Variants in KISS1R observed in about 807,000 individuals in gnomAD.
KISS1R encodes the protein kiSS-1 receptor.
In KISS1R, 19 loss-of-function variants were observed where a neutral mutation model predicts 22.0. The observed-to-expected ratio is 0.86, with a 90% CI of 0.60 to 1.26. KISS1R has a LOEUF of 1.26. Ranked by LOEUF, KISS1R falls within the 50% of genes most tolerant of loss-of-function variation. KISS1R has a pLI of 0.00. For synonymous variants in KISS1R, 302 were observed against 283.9 expected (o/e 1.06, Z -0.64); for missense variants, 653 against 581.9 (o/e 1.12, Z -1.26).
At position 919,948 on chromosome 19, in the gene KISS1R, G is replaced by A. The variant is rs2037101181; in HGVS notation, c.580G>A (p.Ala194Thr). 2 of 1,569,526 alleles carry A rather than the reference G, an allele frequency of 1.3e-6. No individual in the cohort carries two copies. The highest frequency in any genetic ancestry group is 1.4e-5 in the African/African-American group (1 of 73,716). The change falls in exon 4 of 5, where the codon GCC becomes ACC. Residue 194 changes from alanine to threonine, a missense_variant. Transcript: ENST00000234371. ...SPGPRAYCSE[A>T]FPSRALERAF... ...CGGGCCGCGCGCCTACTGCAGTGAGGCCTTCCCCAGCCGCGCCCTGGAGCG... is the reference window on the plus strand; with the variant it reads ...CGGGCCGCGCGCCTACTGCAGTGAGACCTTCCCCAGCCGCGCCCTGGAGCG...
intron 2 of KISS1R, 78 bp downstream of exon 2, chr19:918,746 C>A: frequency 7.5e-7 from 1 of 1,336,400 alleles, no homozygotes; most frequent in Non-Finnish European, 9.8e-7. Flanking sequence ...GGGGAGGGGA[C>A]GCACTTGGGG....
In KISS1R at chr19:918,411, AGGG is replaced by A. The variant is rs869290851; in HGVS notation, c.245-127_245-125del. On this transcript the variant is annotated intron_variant, in intron 1 of 4. Transcript: ENST00000234371. ...CCGAGGAGGCCAGGGGCGCTGGGGG[AGGG>A]GGGGGCCTCCCTGAGCCATCCTGCT... 147 of 93,162 alleles carry A rather than the reference AGGG, an allele frequency of 1.6e-3. 1 individual carries two copies. The highest frequency in any genetic ancestry group is 2.1e-3 in the Non-Finnish European group (135 of 65,714). 5.8% of individuals were successfully genotyped at this position (93,162 alleles called of 1,614,324 possible).
Position 918,570 on chromosome 19 carries a change from T to C in KISS1R, c.271T>C (p.Phe91Leu). ...CAACCTGGCGGCCACGGACGTGACC[T>C]TCCTCCTGTGCTGCGTCCCCTTCAC... ...IANLAATDVTFLLCCVPFTAL... is the reference protein window; with the variant it reads ...IANLAATDVTLLLCCVPFTAL... The change falls in exon 2 of 5, where the codon TTC (phenylalanine) becomes CTC (leucine). Residue 91 changes from phenylalanine (F) to leucine (L), a missense_variant. Physicochemically the swap from Phe to Leu is conservative, Grantham distance 22. Coordinates refer to ENST00000234371, the MANE Select transcript of KISS1R (RefSeq NM_032551.5). 1 of 1,551,258 alleles carries C rather than the reference T, an allele frequency of 6.4e-7. No homozygotes were observed. Among genetic ancestry groups the C allele is most frequent in the Non-Finnish European group, 8.7e-7 (1 of 1,147,290 alleles).
intron 2 of KISS1R, 39 bp from the exon 3 acceptor site, chr19:919,451 C>T (rs1057367581): frequency 5.2e-6 from 8 of 1,538,332 alleles, no homozygotes; most frequent in Non-Finnish European, 5.2e-6. Context: ...GGCTCCCAAC[C>T]GCGCAGGTGG....
At chr19:920,241 G>C (rs770631609) in intron 4 of KISS1R, 49 bp from the exon 5 acceptor site, 5 of 1,542,986 alleles carry the variant, frequency 3.2e-6, no homozygotes, top group African/African-American at 1.4e-5. Context: ...GGGATGAGCT[G>C]AGCCGGGCCC....
At chr19:918,785 G>A in intron 2 of KISS1R, 117 bp downstream of exon 2, 4 of 1,148,184 alleles carry the variant, frequency 3.5e-6, no homozygotes. Context: ...CGCAGTGGGA[G>A]GGGAGGGGAT....
intron 2 of KISS1R, among the ~76,000 whole-genome samples, chr19:918,904 T>G (rs917838239): frequency 1.5e-4 from 2 of 12,924 alleles, no homozygotes; most frequent in African/African-American, 2.9e-4. Flanking sequence ...GGGCGCATGG[T>G]GGGGCGGGGC....
chr19:918,076 T>G (rs1440237130), intron 1 of KISS1R, among the ~76,000 whole-genome samples: 1 of 151,646 alleles, frequency 6.6e-6, no homozygotes, highest in Non-Finnish European at 1.5e-5. Flanking sequence ...AGGGGCTGGC[T>G]TGGCCCGCGG....
Position 920,718 on chromosome 19 carries a change from C to G in KISS1R, c.1167C>G (p.Cys389Trp), listed in dbSNP as rs371771794. Residue 389 changes from cysteine to tryptophan, a missense_variant, in exon 5 of 5, where the codon TGC (cysteine) becomes TGG (tryptophan). Coordinates refer to ENST00000234371, the MANE Select transcript of KISS1R (RefSeq NM_032551.5). ...GSSGLAARGL[C>W]VLGEDNAPL ...GTGGGCTGGCCGCGCGCGGGCTGTGCGTCCTGGGGGAGGACAACGCCCCTC... is the reference window on the plus strand; with the variant it reads ...GTGGGCTGGCCGCGCGCGGGCTGTGGGTCCTGGGGGAGGACAACGCCCCTC... 2.3e-6 allele frequency: 3 copies of G among 1,303,992 alleles called. No individual in the cohort carries two copies. The highest frequency in any genetic ancestry group is 7.4e-5 in the Admixed American group (2 of 26,970). The allele number at this position is 1,303,992 out of a possible 1,614,324, so 80.8% of individuals were successfully genotyped here. A position where few individuals can be genotyped will look rare whatever the true frequency, so the allele number is the denominator to read the frequency against.
chr19:920,660 C>A lies in KISS1R; in HGVS notation c.1109C>A (p.Pro370Gln), dbSNP rs946389146. 2 of 1,311,150 alleles carry A rather than the reference C, an allele frequency of 1.5e-6. No homozygotes were observed. The highest frequency in any genetic ancestry group is 2.5e-5 in the South Asian group (1 of 39,620). The allele number at this position is 1,311,150 out of a possible 1,614,324, so 81.2% of individuals were successfully genotyped here. A position where few individuals can be genotyped will look rare whatever the true frequency, so the allele number is the denominator to read the frequency against. ...GAGCTGCTCCGCCTGGGGTCCCACC[C>A]GGCCCCCGCCAGGGCGCAGAAGCCA... ...HAELLRLGSH[P>Q]APARAQKPGS... Residue 370 changes from proline to glutamine, a missense_variant, in exon 5 of 5, where the codon CCG (proline) becomes CAG (glutamine). By Grantham distance (76) the Pro-to-Gln change is moderately conservative. Transcript: ENST00000234371.
In KISS1R at chr19:918,543, G is replaced by C; in HGVS notation, c.245-1G>C. 1 of 1,548,778 alleles carries C rather than the reference G, an allele frequency of 6.5e-7. No homozygotes were observed. Among genetic ancestry groups the C allele is most frequent in the Non-Finnish European group, 8.7e-7 (1 of 1,147,090 alleles). On this transcript the variant is annotated splice_acceptor_variant, in intron 1 of 4. Transcript: ENST00000234371. LOFTEE classifies it high-confidence loss of function. ...CCAGCGCCCGCGCATCCCCACCGCA[G>C]CCAACCTGGCGGCCACGGACGTGAC...
In KISS1R at chr19:920,068, G is replaced by A; in HGVS notation, c.700G>A (p.Val234Ile). The A allele has an allele frequency of 6.6e-7, 1 of 1,524,026 alleles. No homozygotes were observed. The highest frequency in any genetic ancestry group is 8.8e-7 in the Non-Finnish European group (1 of 1,141,900). 94.4% of individuals were successfully genotyped at this position (1,524,026 alleles called of 1,614,324 possible). Residue 234 changes from valine (V) to isoleucine (I), a missense_variant, in exon 4 of 5, where the codon GTC (valine) becomes ATC (isoleucine). Coordinates refer to ENST00000234371, the MANE Select transcript of KISS1R (RefSeq NM_032551.5). ...YAAMLRHLGR[V>I]AVRPAPADSA... ...GGCCATGCTGCGCCACCTGGGCCGG[G>A]TCGCCGTGCGCCCCGCGCCCGCCGA...
At position 920,305 on chromosome 19, in the gene KISS1R, G is replaced by C. The variant is rs1229652300; in HGVS notation, c.754G>C (p.Glu252Gln). 6 of 1,571,254 alleles carry C rather than the reference G, an allele frequency of 3.8e-6. No individual in the cohort carries two copies. The highest frequency in any genetic ancestry group is 1.4e-5 in the African/African-American group (1 of 73,682). ...DSALQGQVLA[E>Q]RAGAVRAKVS... is the part of the protein sequence containing the mutation. ...ACCCCCCCAGGGGCAGGTGCTGGCA[G>C]AGCGCGCAGGCGCCGTGCGGGCCAA... The change falls in exon 5 of 5, where the codon GAG (glutamate) becomes CAG (glutamine). Residue 252 changes from glutamate (E) to glutamine (Q), a missense_variant. Coordinates refer to ENST00000234371, the MANE Select transcript of KISS1R (RefSeq NM_032551.5).
Position 919,984 on chromosome 19 carries a change from CTG to C in KISS1R, c.618_619del (p.Tyr207GlnfsTer36). The C allele has an allele frequency of 1.7e-5, 27 of 1,563,834 alleles. No individual in the cohort carries two copies. The highest frequency in any genetic ancestry group is 2.3e-5 in the Non-Finnish European group (27 of 1,157,138). ...PSRALERAFA[L>X]YNLLALYLLP... ...CCGCGCCCTGGAGCGCGCCTTCGCA[CTG>C]TACAACCTGCTGGCGCTGTACCTGC... On this transcript the variant is annotated frameshift_variant, in exon 4 of 5. Transcript: ENST00000234371. LOFTEE classifies it high-confidence loss of function.
In KISS1R at chr19:919,983, A is replaced by C. The variant is rs8111938; in HGVS notation, c.615A>C (p.Ala205=). Reference sequence around the variant, plus strand: ...GCCGCGCCCTGGAGCGCGCCTTCGCACTGTACAACCTGCTGGCGCTGTACC... The same window carrying C: ...GCCGCGCCCTGGAGCGCGCCTTCGCCCTGTACAACCTGCTGGCGCTGTACC... The part of the protein sequence containing the change: ...FPSRALERAF[A]LYNLLALYLL... Residue 205 remains alanine (A), a synonymous_variant, in exon 4 of 5, where the codon GCA becomes GCC. Transcript: ENST00000234371. The C allele has an allele frequency of 2.0e-3, 3,163 of 1,565,928 alleles. 58 individuals carry two copies. In the African/African-American group the frequency reaches 0.037, roughly 18 times the overall value.
intron 1 of KISS1R, among the ~76,000 whole-genome samples, chr19:918,263 T>A (rs1406747264): frequency 2.0e-5 from 3 of 152,040 alleles, no homozygotes; most frequent in Non-Finnish European, 4.4e-5. Flanking sequence ...CTGCTTAGGC[T>A]CCCCCAGCCC....
At chr19:919,793 G>T (rs2037098973) in intron 3 of KISS1R, 81 bp from the exon 4 acceptor site, 3 of 1,498,684 alleles carry the variant, frequency 2.0e-6, no homozygotes, top group Admixed American at 2.0e-5. Flanking sequence ...TTGCAGGGTG[G>T]CTGGGTGAAC....
intron 3 of KISS1R, 35 bp downstream of exon 3, chr19:919,660 G>A (rs1196965581): frequency 2.6e-6 from 4 of 1,541,646 alleles, no homozygotes; most frequent in Non-Finnish European, 1.7e-6. Flanking sequence ...GGGAGAAGGC[G>A]GACACGTCCT....
Position 918,670 on chromosome 19 carries a change from T to G in KISS1R, c.369+2T>G. ...AAGTTCGTCAACTACATCCAGCAGG[T>G]GCGCTCCGGAGCAGGAGGGGAGAGG... On this transcript the variant is annotated splice_donor_variant, in intron 2 of 4. Coordinates refer to ENST00000234371, the MANE Select transcript of KISS1R (RefSeq NM_032551.5). LOFTEE classifies it high-confidence loss of function. The G allele has an allele frequency of 6.5e-7, 1 of 1,546,346 alleles. No homozygotes were observed. The highest frequency in any genetic ancestry group is 8.7e-7 in the Non-Finnish European group (1 of 1,144,880).
Sources: gnomAD v4.1 joint callset for allele counts (sites outside exome capture counted in the v4.1 genomes callset) on GRCh38, gnomAD v4.1.1 for gene constraint, MANE v1.5 for transcripts, NCBI Gene and HGNC (gene_info 2026-07-23, HGNC 2026-07-21) for gene names.